The following CCND3 variants were observed in gnomAD, a reference collection of about 807,000 sequenced individuals.
CCND3 encodes the protein G1/S-specific cyclin-D3.
Under a neutral mutation model 28.7 loss-of-function variants are expected in CCND3, and 9 were observed. The ratio of observed to expected loss-of-function variants is 0.31; its 90% CI spans 0.19 to 0.55. The LOEUF (loss-of-function observed/expected upper bound fraction) is 0.55. Ranked by LOEUF, CCND3 falls within the 20% of genes least tolerant of loss-of-function variation. The pLI, the probability that CCND3 is intolerant of heterozygous loss-of-function variation, is 0.93. For synonymous variants in CCND3, 164 were observed against 163.9 expected, an observed-to-expected ratio of 1.00 and a Z score of 0.00; for missense variants, 315 against 385.8, an observed-to-expected ratio of 0.82 and a Z score of 1.54.
intron 1 of CCND3, among the ~76,000 whole-genome samples, chr6:41,946,858 G>T (rs2127398270): frequency 6.6e-6 from 1 of 152,138 alleles, no homozygotes; most frequent in East Asian, 1.9e-4. Context: ...GCCGAGGTGG[G>T]CGGATCACCT....
chr6:42,013,205 C>T (rs1561986743), intron 1 of CCND3, among the ~76,000 whole-genome samples: 1 of 152,138 alleles, frequency 6.6e-6, no homozygotes, highest in Non-Finnish European at 1.5e-5. Flanking sequence ...ACATGATCTC[C>T]CAAGTGCTGG....
rs193057625 is a variant in CCND3, at chr6:41,950,854, G to A, written c.-45-10269C>T. Among the ~76,000 whole-genome samples, 133 of 151,810 alleles carry A rather than the reference G, an allele frequency of 8.8e-4. 1 individual carries two copies. The highest frequency in any genetic ancestry group is 3.0e-3 in the African/African-American group (126 of 41,426). ...CTCCCGAGTAGCTGGGACTACAGGC[G>A]CCCCCCACCACGCCCAGCTAATTTT... On this transcript the variant is annotated intron_variant, in intron 1 of 4. Transcript: ENST00000372988.
intron 1 of CCND3, among the ~76,000 whole-genome samples, chr6:42,009,620 A>AAAAC (rs1554165871): frequency 2.0e-5 from 3 of 150,390 alleles, no homozygotes; most frequent in Non-Finnish European, 4.4e-5. Context: ...TTCAAAACAA[A>AAAAC]AAAACAAAAC....
At chr6:42,035,459 C>T (rs998359295) in intron 1 of CCND3, among the ~76,000 whole-genome samples, 1 of 151,962 alleles carries the variant, frequency 6.6e-6, no homozygotes, top group Non-Finnish European at 1.5e-5. Context: ...GCTCTGCCTC[C>T]TGGGTTCACG....
chr6:42,025,970 AGGCTGCCTG>A (rs1287561820), intron 1 of CCND3, among the ~76,000 whole-genome samples: 13 of 152,180 alleles, frequency 8.5e-5, no homozygotes, highest in Admixed American at 8.5e-4. Flanking sequence ...TGGACCCACA[AGGCTGCCTG>A]TCAGCCTCTA....
intron 1 of CCND3, among the ~76,000 whole-genome samples, chr6:41,967,209 G>A (rs1404692910): frequency 6.6e-6 from 1 of 152,172 alleles, no homozygotes; most frequent in African/African-American, 2.4e-5. Flanking sequence ...AAGGGGGAAG[G>A]CGGAGGAGTG....
chr6:42,014,455 T>G (rs2127429655), intron 1 of CCND3, among the ~76,000 whole-genome samples: 1 of 152,310 alleles, frequency 6.6e-6, no homozygotes, highest in African/African-American at 2.4e-5. Flanking sequence ...TCCCTTAGTG[T>G]ATAGTCTTTC....
At position 42,000,234 on chromosome 6, in the gene CCND3, CTTTTTT is replaced by C. The variant is rs70987562; in HGVS notation, c.-46+48261_-46+48266del. On this transcript the variant is annotated intron_variant, in intron 1 of 4. Coordinates refer to the CCND3 transcript ENST00000372988. ...AGTCTCGTGGAAATTTGAAAACATA[CTTTTTT>C]TTTTTTTTTTTTTTTTTTTTTGGGA... Among the ~76,000 whole-genome samples the C allele has an allele frequency of 3.2e-3, 164 of 51,016 alleles. 1 individual carries two copies. The highest frequency in any genetic ancestry group is 0.013 in the African/African-American group (137 of 10,824). The allele number at this position is 51,016 out of a possible 152,430, so 33.5% of individuals were successfully genotyped here.
intron 1 of CCND3, among the ~76,000 whole-genome samples, chr6:41,982,872 A>G (rs895772512): frequency 6.4e-5 from 7 of 109,254 alleles, no homozygotes; most frequent in Admixed American, 1.1e-4. Context: ...ACAACTGGAC[A>G]TCCACATGCA....
At chr6:41,952,368 G>A (rs978656168) in intron 1 of CCND3, among the ~76,000 whole-genome samples, 4 of 152,176 alleles carry the variant, frequency 2.6e-5, no homozygotes, top group Non-Finnish European at 5.9e-5. Flanking sequence ...TGAAGACTGC[G>A]TTATTGTTAA....
chr6:41,988,172 G>A lies in CCND3; in HGVS notation c.-45-47587C>T, dbSNP rs113859225. ...CTCTACTAAAATAGCCAGGCATGGT[G>A]GCGCATGCCTGTAATCCCAGCTACT... On this transcript the variant is annotated intron_variant, in intron 1 of 4. Transcript: ENST00000372988. Among the ~76,000 whole-genome samples the A allele has an allele frequency of 1.2e-3, 175 of 151,996 alleles. 1 individual carries two copies. The highest frequency in any genetic ancestry group is 3.8e-3 in the African/African-American group (156 of 41,506).
chr6:41,990,660 A>ATTTTTTTTTTTTTTTTTTTTTTTTTTTT lies in CCND3; in HGVS notation c.-45-50103_-45-50076dup, dbSNP rs67939325. ...TAGTCCATGAATCTATAACCAACTG[A>ATTTTTTTTTTTTTTTTTTTTTTTTTTTT]TTTTTTTTTTTTTTTTTTTTTTTTT... On this transcript the variant is annotated intron_variant, in intron 1 of 4. Transcript: ENST00000372988. Among the ~76,000 whole-genome samples, 6 of 121,276 alleles carry ATTTTTTTTTTTTTTTTTTTTTTTTTTTT rather than the reference A, an allele frequency of 4.9e-5. 3 individuals are homozygous for ATTTTTTTTTTTTTTTTTTTTTTTTTTTT. The highest frequency in any genetic ancestry group is 6.3e-5 in the African/African-American group (2 of 31,638). 79.6% of individuals were successfully genotyped at this position (121,276 alleles called of 152,430 possible). A position where few individuals can be genotyped will look rare whatever the true frequency, so the allele number is the denominator to read the frequency against.
At chr6:41,943,434 A>T (rs1340275517), upstream of CCND3, among the ~76,000 whole-genome samples, 2 of 152,216 alleles carry the variant, frequency 1.3e-5, no homozygotes, top group Non-Finnish European at 2.9e-5. Context: ...CATGCTATTA[A>T]ATATTCTAGG....
At chr6:42,021,324 G>A (rs1214295854) in intron 1 of CCND3, among the ~76,000 whole-genome samples, 3 of 152,156 alleles carry the variant, frequency 2.0e-5, no homozygotes, top group Non-Finnish European at 4.4e-5. Flanking sequence ...GAATAAGGGG[G>A]ACTAGTATTT....
chr6:42,020,816 ATC>A (rs1329121636), intron 1 of CCND3, among the ~76,000 whole-genome samples: 1 of 152,146 alleles, frequency 6.6e-6, no homozygotes, highest in Non-Finnish European at 1.5e-5. Flanking sequence ...CAATGGCATG[ATC>A]TCAGCTCACC....
intron 1 of CCND3, among the ~76,000 whole-genome samples, chr6:42,036,836 C>T (rs945208752): frequency 2.0e-5 from 3 of 151,994 alleles, no homozygotes; most frequent in Non-Finnish European, 4.4e-5. Context: ...CAGGCATTAA[C>T]GAGATTTGCA....
rs548844966 is a variant in CCND3, at chr6:42,037,245, G to A, written c.-46+11256C>T. Among the ~76,000 whole-genome samples, 24 of 126,626 alleles carry A rather than the reference G, an allele frequency of 1.9e-4. No homozygotes were observed. In the South Asian group the frequency reaches 3.6e-3, roughly 19 times the overall value. The allele number at this position is 126,626 out of a possible 152,430, so 83.1% of individuals were successfully genotyped here. A position where few individuals can be genotyped will look rare whatever the true frequency, so the allele number is the denominator to read the frequency against. ...GTGAGCCACTGTGCCCGGCCGTTTT[G>A]TTTTTTTTTTTAAGACGGAGTCTCG... On this transcript the variant is annotated intron_variant, in intron 1 of 4. Coordinates refer to the CCND3 transcript ENST00000372988.
chr6:41,936,218 C>A lies in CCND3; in HGVS notation c.712-111G>T. The A allele has an allele frequency of 1.7e-6, 2 of 1,191,412 alleles. No individual in the cohort carries two copies. Among genetic ancestry groups the A allele is most frequent in the Non-Finnish European group, 2.3e-6 (2 of 858,256 alleles). The allele number at this position is 1,191,412 out of a possible 1,614,324, so 73.8% of individuals were successfully genotyped here. A position where few individuals can be genotyped will look rare whatever the true frequency, so the allele number is the denominator to read the frequency against. ...ATGGGGAAGTCTGGGGAGGTTAGGCCACAGCCCGGCCCCAGGAATCGCTCT... is the reference window on the plus strand; with the variant it reads ...ATGGGGAAGTCTGGGGAGGTTAGGCAACAGCCCGGCCCCAGGAATCGCTCT... On this transcript the variant is annotated intron_variant, in intron 4 of 4. Coordinates refer to ENST00000372991, the MANE Select transcript of CCND3 (RefSeq NM_001760.5). The surrounding 1 kb of genome is among the most constrained non-coding windows in gnomAD (Gnocchi z 4.4).
chr6:42,037,822 G>C (rs1391806202), intron 1 of CCND3, among the ~76,000 whole-genome samples: 1 of 151,650 alleles, frequency 6.6e-6, no homozygotes, highest in Non-Finnish European at 1.5e-5. Context: ...CATGAGGTCA[G>C]GAGTTCAAGA....
Sources: gnomAD v4.1 joint callset for allele counts (sites outside exome capture counted in the v4.1 genomes callset) on GRCh38, gnomAD v4.1.1 for gene constraint, Gnocchi (gnomAD v3.1) non-coding constraint, MANE v1.5 for transcripts, NCBI Gene and HGNC (gene_info 2026-07-23, HGNC 2026-07-21) for gene names.